ROBO1: variants seen among roughly 807,000 people sequenced by gnomAD.
ROBO1 encodes the protein roundabout guidance receptor 1, also known as roundabout homolog 1.
A neutral mutation model predicts 195.9 loss-of-function variants in ROBO1; 149 were observed. That is an observed-to-expected ratio of 0.76 (90% CI 0.67 to 0.87). ROBO1 has a LOEUF of 0.87. Among genes scored for constraint, ROBO1 ranks in the 40% least tolerant of loss-of-function variants. ROBO1 has a pLI of 0.00. For synonymous variants in ROBO1, 816 were observed against 733.2 expected (o/e 1.11, Z -1.82); for missense variants, 1,933 against 2,068.3 (o/e 0.93, Z 1.27).
intron 2 of ROBO1, among the ~76,000 whole-genome samples, chr3:79,513,981 A>G (rs183482901): frequency 6.6e-6 from 1 of 152,294 alleles, no homozygotes; most frequent in East Asian, 1.9e-4. Context: ...TCTTCTGACT[A>G]TTTTTGCTGA....
At chr3:79,610,906 A>G (rs1034885048) in intron 1 of ROBO1, among the ~76,000 whole-genome samples, 2 of 152,106 alleles carry the variant, frequency 1.3e-5, no homozygotes, top group African/African-American at 2.4e-5. Flanking sequence ...CACTTCTCTG[A>G]GTTCTGACTT....
At position 78,849,024 on chromosome 3, in the gene ROBO1, G is replaced by C. The variant is rs75769966; in HGVS notation, c.499+89577C>G. Among the ~76,000 whole-genome samples the C allele has an allele frequency of 2.0e-4, 30 of 152,234 alleles. 1 individual carries two copies. The East Asian group carries it at 5.8e-3, about 29-fold the overall frequency. ...GCAGAATGTTCTGATGGATTGGATG[G>C]GGGGCATGAAAGGAAAGAGAAGAGT... is the stretch of plus-strand genomic sequence containing the variant. On this transcript the variant is annotated intron_variant, in intron 4 of 30. Coordinates refer to ENST00000464233, the MANE Select transcript of ROBO1 (RefSeq NM_002941.4).
chr3:79,523,056 A>G (rs560283469), intron 2 of ROBO1, among the ~76,000 whole-genome samples: 1 of 152,284 alleles, frequency 6.6e-6, no homozygotes, highest in African/African-American at 2.4e-5. Context: ...TAATTATCTA[A>G]TAAACAACAA....
chr3:79,098,675 G>A (rs2079615938), intron 3 of ROBO1, among the ~76,000 whole-genome samples: 2 of 151,802 alleles, frequency 1.3e-5, no homozygotes, highest in Admixed American at 6.6e-5. Context: ...ATTATACAGT[G>A]TTTCACATAG....
At chr3:79,720,791 A>ATT (rs1381422604) in intron 1 of ROBO1, among the ~76,000 whole-genome samples, 1 of 69,756 alleles carries the variant, frequency 1.4e-5, no homozygotes, top group East Asian at 5.4e-4. Flanking sequence ...AGGAGTTGCT[A>ATT]ATTTTTTTTT....
intron 4 of ROBO1, among the ~76,000 whole-genome samples, chr3:78,863,460 C>G (rs2034976203): frequency 6.6e-6 from 1 of 152,078 alleles, no homozygotes; most frequent in African/African-American, 2.4e-5. Context: ...CGTGTGAATG[C>G]AGAAACCTAG....
intron 2 of ROBO1, among the ~76,000 whole-genome samples, chr3:79,369,223 T>C (rs968224486): frequency 1.3e-5 from 2 of 152,198 alleles, no homozygotes; most frequent in Non-Finnish European, 2.9e-5. Context: ...AGAGAGATAC[T>C]GTCTTTTTCC....
At chr3:79,730,768 CTTTTTTTTTT>C (rs66527491) in intron 1 of ROBO1, among the ~76,000 whole-genome samples, 1,059 of 95,540 alleles carry the variant, frequency 0.011, 11 homozygotes, top group African/African-American at 0.015. Flanking sequence ...CCTGTATTTC[CTTTTTTTTTT>C]TTTTTTTTTT....
chr3:79,393,901 A>G (rs17396958), intron 2 of ROBO1, among the ~76,000 whole-genome samples: 55,678 of 151,908 alleles, frequency 0.37, 10,845 homozygotes, highest in Admixed American at 0.49. Flanking sequence ...AGACGGGGCC[A>G]GGCTTATGAT....
chr3:79,711,956 C>T (rs1340853895), intron 1 of ROBO1, among the ~76,000 whole-genome samples: 3 of 148,602 alleles, frequency 2.0e-5, no homozygotes, highest in South Asian at 2.1e-4. Flanking sequence ...GAACTTTGCC[C>T]GTATAGGACA....
intron 2 of ROBO1, among the ~76,000 whole-genome samples, chr3:79,551,175 A>G (rs906229037): frequency 6.6e-6 from 1 of 151,554 alleles, no homozygotes; most frequent in Non-Finnish European, 1.5e-5. Context: ...TTTTCTTTCA[A>G]CTTTTTTTTA....
chr3:78,630,524 C>T (rs889360909), intron 25 of ROBO1, among the ~76,000 whole-genome samples: 2 of 152,086 alleles, frequency 1.3e-5, no homozygotes, highest in Admixed American at 6.5e-5. Context: ...ACGATTTATT[C>T]GTTAATTCTC....
At chr3:78,667,818 T>C in intron 14 of ROBO1, 65 bp downstream of exon 14, 2 of 1,479,312 alleles carry the variant, frequency 1.4e-6, no homozygotes, top group Non-Finnish European at 9.3e-7. Context: ...ACAAGTGATT[T>C]GTCAGTGCAA....
At position 78,794,168 on chromosome 3, in the gene ROBO1, T is replaced by G. The variant is rs144945671; in HGVS notation, c.500-47268A>C. 4.5e-3 allele frequency among the ~76,000 whole-genome samples: 691 copies of G among 152,338 alleles called. 2 individuals carry two copies. The highest frequency in any genetic ancestry group is 7.2e-3 in the Non-Finnish European group (491 of 68,038). On this transcript the variant is annotated intron_variant, in intron 4 of 30. Transcript: ENST00000464233. ...GATTTTGAAATCCTACTGTCTGGGC[T>G]GGATCCTGGCTCTTATCTGAGCTAG...
At chr3:78,677,716 A>T (rs1039314516) in intron 10 of ROBO1, among the ~76,000 whole-genome samples, 5 of 152,078 alleles carry the variant, frequency 3.3e-5, no homozygotes, top group African/African-American at 7.2e-5. Flanking sequence ...CTCCCACACA[A>T]TAATAATGGG....
In ROBO1 at chr3:79,698,802, G is replaced by A. The variant is rs116806812; in HGVS notation, c.-51+68950C>T. Among the ~76,000 whole-genome samples the A allele has an allele frequency of 7.8e-3, 1,178 of 151,522 alleles. 16 individuals are homozygous for A. The highest frequency in any genetic ancestry group is 0.026 in the African/African-American group (1,061 of 41,424). ...AGCAAGAACATTAATAATTTATGAA[G>A]GAACTCAACACATAAAGCAGACAGA... On this transcript the variant is annotated intron_variant, in intron 1 of 30. Transcript: ENST00000464233.
At chr3:79,169,925 T>C (rs919355552) in intron 2 of ROBO1, among the ~76,000 whole-genome samples, 1 of 152,266 alleles carries the variant, frequency 6.6e-6, no homozygotes, top group South Asian at 2.1e-4. Flanking sequence ...TTTATAAACA[T>C]TTGAACATTG....
intron 8 of ROBO1, among the ~76,000 whole-genome samples, chr3:78,713,764 C>T (rs529481565): frequency 9.9e-5 from 15 of 152,276 alleles, no homozygotes; most frequent in Middle Eastern, 3.4e-3. Context: ...CCATAGAACA[C>T]GGTATCCACT....
intron 1 of ROBO1, among the ~76,000 whole-genome samples, chr3:79,669,998 G>C (rs977721555): frequency 2.6e-5 from 4 of 151,836 alleles, no homozygotes; most frequent in Non-Finnish European, 5.9e-5. Context: ...GAATAAATTT[G>C]AGTACACAGC....
Sources: gnomAD v4.1 joint callset for allele counts (sites outside exome capture counted in the v4.1 genomes callset) on GRCh38, gnomAD v4.1.1 for gene constraint, MANE v1.5 for transcripts, NCBI Gene and HGNC (gene_info 2026-07-23, HGNC 2026-07-21) for gene names.